Variants in RAB38 observed in about 807,000 individuals in gnomAD.
The protein encoded by RAB38 is ras-related protein Rab-38.
A neutral mutation model predicts 18.4 loss-of-function variants in RAB38; 15 were observed. The ratio of observed to expected loss-of-function variants is 0.82; its 90% CI spans 0.55 to 1.26. The LOEUF is 1.26. RAB38 is among the 50% of genes most tolerant of loss of function. The pLI is 0.00. For missense variants in RAB38, 294 were observed against 267.4 expected (o/e 1.10, Z -0.69); for synonymous variants, 101 against 104.4 (o/e 0.97, Z 0.20).
chr11:87,962,466 G>C, the RAB38 span, among the ~76,000 whole-genome samples: 1 of 151,990 alleles, frequency 6.6e-6, no homozygotes, highest in Non-Finnish European at 1.5e-5. Flanking sequence ...CTCAGGCAAG[G>C]AGTGGAGTGG....
chr11:88,088,527 G>C, the RAB38 span, among the ~76,000 whole-genome samples: 1 of 151,774 alleles, frequency 6.6e-6, no homozygotes, highest in African/African-American at 2.4e-5. Flanking sequence ...ACTGAAGAGG[G>C]GAGCTATATT....
At chr11:87,962,033 A>AT in the RAB38 span, among the ~76,000 whole-genome samples, 2 of 152,012 alleles carry the variant, frequency 1.3e-5, no homozygotes, top group South Asian at 4.1e-4. Flanking sequence ...TTCCTTATCT[A>AT]TAACAAAAAG....
the RAB38 span, among the ~76,000 whole-genome samples, chr11:87,904,118 A>G: frequency 6.6e-6 from 1 of 151,568 alleles, no homozygotes; most frequent in East Asian, 1.9e-4. Context: ...TTGGTTTTAT[A>G]TTCAGGAGGT....
At chr11:88,108,762 T>A (rs1383549330), downstream of RAB38, among the ~76,000 whole-genome samples, 1 of 152,090 alleles carries the variant, frequency 6.6e-6, no homozygotes, top group Non-Finnish European at 1.5e-5. Context: ...ATTTGGTATG[T>A]TTTTGCTGGT....
At chr11:88,104,489 T>C in the RAB38 span, among the ~76,000 whole-genome samples, 1 of 152,076 alleles carries the variant, frequency 6.6e-6, no homozygotes, top group Non-Finnish European at 1.5e-5. Context: ...CAGTCTTGAG[T>C]TTGACTACTG....
chr11:88,075,149 A>T, the RAB38 span, among the ~76,000 whole-genome samples: 4 of 152,206 alleles, frequency 2.6e-5, no homozygotes, highest in Non-Finnish European at 5.9e-5. Context: ...TTCAGACAGG[A>T]CATCAACGAA....
the RAB38 span, among the ~76,000 whole-genome samples, chr11:88,024,418 C>G: frequency 6.6e-6 from 1 of 152,146 alleles, no homozygotes; most frequent in Admixed American, 6.5e-5. Context: ...GAAAAAGAAA[C>G]TCATATACTT....
the RAB38 span, among the ~76,000 whole-genome samples, chr11:87,965,546 T>C: frequency 6.6e-6 from 1 of 152,110 alleles, no homozygotes; most frequent in Non-Finnish European, 1.5e-5. Context: ...CTTCACTCTT[T>C]AGGGTTTATA....
the RAB38 span, among the ~76,000 whole-genome samples, chr11:88,010,558 A>T: frequency 3.3e-5 from 5 of 152,210 alleles, no homozygotes; most frequent in African/African-American, 9.6e-5. Flanking sequence ...ATGGAAACCT[A>T]ATTAGGTTTG....
the RAB38 span, among the ~76,000 whole-genome samples, chr11:87,805,333 TACAC>T: frequency 6.6e-6 from 1 of 152,064 alleles, no homozygotes. Flanking sequence ...TATTCACAGG[TACAC>T]ACACACATAT....
chr11:87,808,711 A>G, the RAB38 span, among the ~76,000 whole-genome samples: 2 of 152,224 alleles, frequency 1.3e-5, no homozygotes, highest in Admixed American at 6.5e-5. Flanking sequence ...TACTTTAGCC[A>G]TAATACAATG....
the RAB38 span, among the ~76,000 whole-genome samples, chr11:87,885,796 G>A: frequency 6.6e-6 from 1 of 151,878 alleles, no homozygotes; most frequent in Non-Finnish European, 1.5e-5. Context: ...TCTAGCATGG[G>A]AATTTTTTAA....
chr11:88,069,294 AG>A, the RAB38 span, among the ~76,000 whole-genome samples: 124 of 152,320 alleles, frequency 8.1e-4, no homozygotes, highest in African/African-American at 2.9e-3. Flanking sequence ...CCACGGGGGC[AG>A]GGCTCAGGAC....
At chr11:88,033,402 AG>A in the RAB38 span, among the ~76,000 whole-genome samples, 115 of 152,136 alleles carry the variant, frequency 7.6e-4, no homozygotes, top group Non-Finnish European at 1.4e-3. Context: ...GAAAAAAAAA[AG>A]AAAGTATTTG....
At chr11:88,048,013 T>A in the RAB38 span, among the ~76,000 whole-genome samples, 1 of 152,204 alleles carries the variant, frequency 6.6e-6, no homozygotes, top group Non-Finnish European at 1.5e-5. Flanking sequence ...TCTCATTTCC[T>A]TTCCATCATG....
At chr11:88,133,765 A>T (rs1163949481) in intron 2 of RAB38, among the ~76,000 whole-genome samples, 1 of 152,218 alleles carries the variant, frequency 6.6e-6, no homozygotes, top group Non-Finnish European at 1.5e-5. Context: ...CCAGTTTACT[A>T]CTCAGAAGAA....
At chr11:88,101,792 A>C in the RAB38 span, among the ~76,000 whole-genome samples, 1 of 151,712 alleles carries the variant, frequency 6.6e-6, no homozygotes, top group Non-Finnish European at 1.5e-5. Flanking sequence ...TAAAAGTAAT[A>C]ATATACATAA....
At chr11:87,941,167 C>T in the RAB38 span, among the ~76,000 whole-genome samples, 2 of 122,896 alleles carry the variant, frequency 1.6e-5, no homozygotes, top group East Asian at 2.5e-4. Context: ...CACTCTTTAT[C>T]GTATGTATTT....
chr11:88,153,052 A>G (rs1454415135), intron 1 of RAB38, among the ~76,000 whole-genome samples: 1 of 152,376 alleles, frequency 6.6e-6, no homozygotes, highest in East Asian at 1.9e-4. Context: ...CCAAATCACA[A>G]AAGTTAATAT....
Sources: allele counts gnomAD v4.1 joint callset (sites outside exome capture counted in the v4.1 genomes callset), GRCh38; gene constraint gnomAD v4.1.1; transcripts MANE v1.5; gene names NCBI Gene and HGNC (gene_info 2026-07-23, HGNC 2026-07-21).